PTPRD: variants seen among roughly 807,000 people sequenced by gnomAD.
PTPRD encodes the protein receptor-type tyrosine-protein phosphatase delta.
A neutral mutation model predicts 214.5 loss-of-function variants in PTPRD; 34 were observed. That is an observed-to-expected ratio of 0.16 (90% CI 0.12 to 0.21). The LOEUF (loss-of-function observed/expected upper bound fraction) is 0.21, where lower values mean the gene tolerates loss of function less well. Ranked by LOEUF, PTPRD falls within the 10% of genes least tolerant of loss-of-function variation. The probability of loss-of-function intolerance (pLI) is 1.00; values close to 1 mark genes in which losing one functional copy is unlikely to be tolerated. For missense variants in PTPRD, 2,545 were observed against 2,398.7 expected (o/e 1.06, Z -1.27); for synonymous variants, 1,128 against 845.7 (o/e 1.33, Z -5.79).
chr9:8,323,024 TAAGG>T (rs1318145564), intron 44 of PTPRD, among the ~76,000 whole-genome samples: 1 of 152,124 alleles, frequency 6.6e-6, no homozygotes, highest in Admixed American at 6.6e-5. Flanking sequence ...TAAGTTTTAG[TAAGG>T]AAGGCACGTT....
At chr9:10,215,668 G>C (rs1228750762) in intron 3 of PTPRD, among the ~76,000 whole-genome samples, 1 of 151,924 alleles carries the variant, frequency 6.6e-6, no homozygotes, top group African/African-American at 2.4e-5. Context: ...GGGGAGTTTT[G>C]CATATGCATA....
At chr9:9,062,943 A>G (rs368204922) in intron 10 of PTPRD, among the ~76,000 whole-genome samples, 98 of 152,312 alleles carry the variant, frequency 6.4e-4, no homozygotes, top group African/African-American at 2.3e-3. Context: ...AAGTATTTGA[A>G]TTCATCAGAG....
rs975444679 is a variant in PTPRD at position 10,608,602 on chromosome 9, T to C, written c.-600+3796A>G. Among the ~76,000 whole-genome samples the C allele has an allele frequency of 2.0e-5, 3 of 152,098 alleles. No individual in the cohort carries two copies. In the East Asian group the frequency reaches 5.8e-4, roughly 29 times the overall value. On this transcript the variant is annotated intron_variant, in intron 2 of 45. Coordinates refer to ENST00000381196, the MANE Select transcript of PTPRD (RefSeq NM_002839.4). ...AGTTATATTCAGTATATTAGTCACATAGCTTGAAAGACTTTCAAATTGCTA... is the reference window on the plus strand; with the variant it reads ...AGTTATATTCAGTATATTAGTCACACAGCTTGAAAGACTTTCAAATTGCTA...
chr9:9,271,440 G>A (rs992332113), intron 9 of PTPRD, among the ~76,000 whole-genome samples: 1 of 151,228 alleles, frequency 6.6e-6, no homozygotes, highest in Non-Finnish European at 1.5e-5. Context: ...CTGTTATGTT[G>A]CATCTGAATA....
intron 5 of PTPRD, among the ~76,000 whole-genome samples, chr9:9,909,323 T>G (rs575250469): frequency 6.6e-6 from 1 of 151,876 alleles, no homozygotes; most frequent in African/African-American, 2.4e-5. Context: ...GAAAGTTTTT[T>G]TTTTTTTTTT....
At position 8,492,804 on chromosome 9, in the gene PTPRD, T is replaced by A. The variant is rs201064171; in HGVS notation, c.2467+58A>T. On this transcript the variant is annotated intron_variant, in intron 27 of 45. Coordinates refer to ENST00000381196, the MANE Select transcript of PTPRD (RefSeq NM_002839.4). ...ATAAAAGCCTGCTAGAAGCTACCTA[T>A]ACCATTTAAAAAGTTAGTATTACTG... 1.0e-3 allele frequency: 1,279 copies of A among 1,265,902 alleles called. 2 individuals are homozygous for A. Among genetic ancestry groups the A allele is most frequent in the Non-Finnish European group, 1.3e-3 (1,156 of 875,620 alleles). The allele number at this position is 1,265,902 out of a possible 1,614,324, so 78.4% of individuals were successfully genotyped here.
At chr9:9,349,641 A>G (rs2050333554) in intron 9 of PTPRD, among the ~76,000 whole-genome samples, 1 of 132,532 alleles carries the variant, frequency 7.5e-6, no homozygotes, top group African/African-American at 3.0e-5. Flanking sequence ...TTATGGCTTT[A>G]TTCAATTTTA....
At chr9:10,231,983 AGAGAGAGTGTGTGTGT>A (rs1409042531) in intron 3 of PTPRD, among the ~76,000 whole-genome samples, 3 of 97,168 alleles carry the variant, frequency 3.1e-5, no homozygotes, top group Admixed American at 1.2e-4. Context: ...AGAGAGAGAG[AGAGAGAGTGTGTGTGT>A]GTGTGTGTGT....
intron 7 of PTPRD, among the ~76,000 whole-genome samples, chr9:9,649,853 G>C (rs745432446): frequency 6.6e-6 from 1 of 152,082 alleles, no homozygotes; most frequent in African/African-American, 2.4e-5. Context: ...TATAATTTAT[G>C]CATCTTTTCA....
intron 5 of PTPRD, among the ~76,000 whole-genome samples, chr9:9,931,932 C>G (rs2086795157): frequency 6.6e-6 from 1 of 151,764 alleles, no homozygotes; most frequent in African/African-American, 2.4e-5. Flanking sequence ...GACCCCCGAG[C>G]AGCCTAACTG....
intron 10 of PTPRD, among the ~76,000 whole-genome samples, chr9:9,173,821 C>G (rs569868228): frequency 6.6e-6 from 1 of 152,030 alleles, no homozygotes. Context: ...GATACTTTGC[C>G]GGTTTCTCTT....
chr9:10,363,035 G>A (rs1226952340), intron 2 of PTPRD, among the ~76,000 whole-genome samples: 2 of 152,170 alleles, frequency 1.3e-5, no homozygotes, highest in African/African-American at 2.4e-5. Flanking sequence ...CAGAAATTCA[G>A]TGAAGTACAG....
chr9:10,200,143 C>A (rs1318187703), intron 3 of PTPRD, among the ~76,000 whole-genome samples: 47 of 152,170 alleles, frequency 3.1e-4, no homozygotes, highest in Non-Finnish European at 1.0e-4. Context: ...CTCATGCTTT[C>A]TTTTACCTCC....
At chr9:9,331,160 C>T (rs771298146) in intron 9 of PTPRD, among the ~76,000 whole-genome samples, 6 of 152,006 alleles carry the variant, frequency 3.9e-5, no homozygotes, top group Non-Finnish European at 7.4e-5. Context: ...TGTGATAATG[C>T]TTAACATGCG....
At chr9:9,791,332 T>C (rs780534603) in intron 5 of PTPRD, among the ~76,000 whole-genome samples, 1 of 151,776 alleles carries the variant, frequency 6.6e-6, no homozygotes, top group Non-Finnish European at 1.5e-5. Context: ...GATCATAGAA[T>C]CATGTTTTTT....
In PTPRD at chr9:9,087,878, C is replaced by CTTTTTT. The variant is rs59824704; in HGVS notation, c.-142-69149_-142-69144dup. Among the ~76,000 whole-genome samples the CTTTTTT allele has an allele frequency of 9.6e-4, 66 of 68,646 alleles. 10 individuals are homozygous for CTTTTTT. The highest frequency in any genetic ancestry group is 7.8e-3 in the East Asian group (15 of 1,918). The allele number at this position is 68,646 out of a possible 152,430, so 45.0% of individuals were successfully genotyped here. ...TTATTTTCCACCAGAGCCCTAAACT[C>CTTTTTT]TTTTTTTTTTTTTTTTTTTTTTTTT... is the stretch of plus-strand genomic sequence containing the variant. On this transcript the variant is annotated intron_variant, in intron 10 of 45. Coordinates refer to ENST00000381196, the MANE Select transcript of PTPRD (RefSeq NM_002839.4).
At chr9:9,865,256 A>G (rs935296570) in intron 5 of PTPRD, among the ~76,000 whole-genome samples, 3 of 152,210 alleles carry the variant, frequency 2.0e-5, no homozygotes, top group East Asian at 3.8e-4. Context: ...CCCTTCCAAA[A>G]GTCACGTTGA....
intron 12 of PTPRD, among the ~76,000 whole-genome samples, chr9:8,730,068 A>G (rs1364041006): frequency 1.3e-5 from 2 of 152,066 alleles, no homozygotes; most frequent in East Asian, 1.9e-4. Context: ...CATCCTGGCT[A>G]ACACAGTGAA....
intron 8 of PTPRD, among the ~76,000 whole-genome samples, chr9:9,503,697 T>G (rs769515642): frequency 8.6e-5 from 13 of 151,712 alleles, no homozygotes; most frequent in Non-Finnish European, 1.9e-4. Context: ...GAGTCACTTG[T>G]GTCAAACTCT....
Sources: allele counts gnomAD v4.1 joint callset (sites outside exome capture counted in the v4.1 genomes callset), GRCh38; gene constraint gnomAD v4.1.1; transcripts MANE v1.5; gene names NCBI Gene and HGNC (gene_info 2026-07-23, HGNC 2026-07-21).